The following GRIA4 variants were observed in gnomAD, a reference collection of about 807,000 sequenced individuals.
The protein encoded by GRIA4 is glutamate receptor 4.
In GRIA4, 34 loss-of-function variants were observed where a neutral mutation model predicts 104.0. The ratio of observed to expected loss-of-function variants is 0.33; its 90% CI spans 0.25 to 0.44. The LOEUF (loss-of-function observed/expected upper bound fraction) is 0.44, where lower values mean the gene tolerates loss of function less well. GRIA4 is among the 20% of genes least tolerant of loss of function. The pLI is 1.00. For synonymous variants in GRIA4, 386 were observed against 381.9 expected, an observed-to-expected ratio of 1.01 and a Z score of -0.13; for missense variants, 750 against 1,096.5, an observed-to-expected ratio of 0.68 and a Z score of 4.46.
chr11:105,709,645 A>G (rs1382356501), intron 3 of GRIA4, among the ~76,000 whole-genome samples: 1 of 152,118 alleles, frequency 6.6e-6, no homozygotes, highest in East Asian at 1.9e-4. Context: ...GTACAGCATC[A>G]CTTCTGCGGT....
At chr11:105,912,356 A>G in intron 10 of GRIA4, 1 of 974,376 alleles carries the variant, frequency 1.0e-6, no homozygotes, top group African/African-American at 1.8e-5. Flanking sequence ...TGTGCATTAT[A>G]GGTATGATAT....
intron 14 of GRIA4, among the ~76,000 whole-genome samples, chr11:105,957,608 C>T (rs1425131151): frequency 2.6e-5 from 4 of 152,078 alleles, no homozygotes; most frequent in Non-Finnish European, 5.9e-5. Context: ...ATTTTTGGTT[C>T]CATATGAACT....
chr11:105,884,204 T>C (rs749939615), intron 5 of GRIA4, among the ~76,000 whole-genome samples: 5 of 152,256 alleles, frequency 3.3e-5, no homozygotes, highest in Non-Finnish European at 5.9e-5. Flanking sequence ...CAGCCACACT[T>C]GTGTGAACAC....
intron 3 of GRIA4, among the ~76,000 whole-genome samples, chr11:105,616,857 T>C (rs1950613754): frequency 6.6e-6 from 1 of 151,700 alleles, no homozygotes; most frequent in Admixed American, 6.6e-5. Flanking sequence ...TTCAGATAAT[T>C]CTTTAGTTTT....
intron 3 of GRIA4, among the ~76,000 whole-genome samples, chr11:105,700,668 T>C (rs1313692987): frequency 2.0e-5 from 3 of 152,162 alleles, no homozygotes; most frequent in Non-Finnish European, 4.4e-5. Context: ...TCCTCTCTTT[T>C]TCAGCCTTCA....
rs1012136801 is a variant in GRIA4 at position 105,954,916 on chromosome 11, A to T, written c.2295-16998A>T. 4.1e-5 allele frequency among the ~76,000 whole-genome samples: 6 copies of T among 147,702 alleles called. No homozygotes were observed. In the Admixed American group the frequency reaches 4.1e-4, roughly 10 times the overall value. ...TAGGTATATTGCTTTCAATTTATAT[A>T]TATATATATATATAATGCCATATAA... On this transcript the variant is annotated intron_variant, in intron 14 of 16. Transcript: ENST00000282499.
In GRIA4 at chr11:105,981,504, C is replaced by T. The variant is rs183961209; in HGVS notation, c.*1765C>T. 802 of 150,768 alleles carry T rather than the reference C, an allele frequency of 5.3e-3. 15 individuals are homozygous for T. Among genetic ancestry groups the T allele is most frequent in the South Asian group, 0.012 (59 of 4,752 alleles). The allele number at this position is 150,768 out of a possible 1,614,324, so 9.3% of individuals were successfully genotyped here. A position where few individuals can be genotyped will look rare whatever the true frequency, so the allele number is the denominator to read the frequency against. On this transcript the variant is annotated 3_prime_UTR_variant, in exon 17 of 17. Transcript: ENST00000282499. ...TTCCATCAACTCTCAAGATCCCATT[C>T]GCCATTCAATCTCTGTGCTGCAGTA...
intron 10 of GRIA4, chr11:105,913,025 T>C (rs1947301656): frequency 1.1e-6 from 1 of 935,760 alleles, no homozygotes; most frequent in African/African-American, 1.8e-5. Flanking sequence ...CTTCCAGTTG[T>C]CTGTCCTTTG....
chr11:105,810,162 T>C (rs144689624), intron 4 of GRIA4, among the ~76,000 whole-genome samples: 1 of 152,172 alleles, frequency 6.6e-6, no homozygotes, highest in South Asian at 2.1e-4. Context: ...GGAGTTCTAC[T>C]TAAGGTCTCC....
chr11:105,918,852 A>G lies in GRIA4; in HGVS notation c.1410A>G (p.Gly470=). 1.9e-6 allele frequency: 3 copies of G among 1,611,266 alleles called. No homozygotes were observed. Among genetic ancestry groups the G allele is most frequent in the Non-Finnish European group, 2.5e-6 (3 of 1,177,614 alleles). The part of the protein sequence containing the change: ...IKYKIAIVPD[G]KYGARDADTK... ...ATAAAATTGCCATTGTCCCTGATGG[A>G]AAATATGGAGCAAGGGATGCAGACA... Residue 470 remains glycine, a synonymous_variant, in exon 11 of 17, where the codon GGA becomes GGG. Coordinates refer to ENST00000282499, the MANE Select transcript of GRIA4 (RefSeq NM_000829.4).
intron 3 of GRIA4, among the ~76,000 whole-genome samples, chr11:105,722,568 A>G (rs183248236): frequency 6.6e-6 from 1 of 152,224 alleles, no homozygotes; most frequent in African/African-American, 2.4e-5. Flanking sequence ...TAAAGGTTGT[A>G]CCAATTCATG....
intron 3 of GRIA4, among the ~76,000 whole-genome samples, chr11:105,723,662 A>C (rs1377333442): frequency 6.6e-6 from 1 of 152,084 alleles, no homozygotes; most frequent in African/African-American, 2.4e-5. Context: ...TTCACTGGAG[A>C]GAGAACTAAT....
chr11:105,968,977 A>G (rs1477818000), intron 14 of GRIA4, among the ~76,000 whole-genome samples: 2 of 152,208 alleles, frequency 1.3e-5, no homozygotes, highest in African/African-American at 4.8e-5. Flanking sequence ...TTACAGTTAC[A>G]AAATTATTTT....
intron 14 of GRIA4, among the ~76,000 whole-genome samples, chr11:105,955,402 A>T (rs1591483501): frequency 6.6e-6 from 1 of 152,034 alleles, no homozygotes; most frequent in African/African-American, 2.4e-5. Context: ...TGTTAGTTTG[A>T]TCAGGATGAT....
chr11:105,971,457 T>C (rs2136284012), intron 14 of GRIA4, among the ~76,000 whole-genome samples: 1 of 152,320 alleles, frequency 6.6e-6, no homozygotes, highest in South Asian at 2.1e-4. Flanking sequence ...GACATACTTT[T>C]ATAGCATAAA....
intron 3 of GRIA4, among the ~76,000 whole-genome samples, chr11:105,676,541 T>C (rs184271560): frequency 1.3e-5 from 2 of 151,852 alleles, no homozygotes; most frequent in East Asian, 3.9e-4. Context: ...AATCACTATA[T>C]CTATAAGGTA....
intron 3 of GRIA4, among the ~76,000 whole-genome samples, chr11:105,735,360 T>G (rs1938869438): frequency 6.6e-6 from 1 of 152,214 alleles, no homozygotes; most frequent in African/African-American, 2.4e-5. Context: ...ATTAAATATG[T>G]AAATACTACT....
chr11:105,677,988 G>A (rs1273762844), intron 3 of GRIA4, among the ~76,000 whole-genome samples: 1 of 151,962 alleles, frequency 6.6e-6, no homozygotes, highest in African/African-American at 2.4e-5. Context: ...CAGAAACCAT[G>A]TCCATCTTAT....
Position 105,681,764 on chromosome 11 carries a change from C to T in GRIA4, c.247+69330C>T, listed in dbSNP as rs896845370. Among the ~76,000 whole-genome samples the T allele has an allele frequency of 4.6e-5, 7 of 152,064 alleles. No homozygotes were observed. The East Asian group carries it at 7.7e-4, about 17-fold the overall frequency. ...ATAAAATATTTGATTAAAAACAGGC[C>T]GGGTGCAGTGGCTTACATGTGTAAT... On this transcript the variant is annotated intron_variant, in intron 3 of 16. Transcript: ENST00000282499.
Sources: gnomAD v4.1 joint callset for allele counts (sites outside exome capture counted in the v4.1 genomes callset) on GRCh38, gnomAD v4.1.1 for gene constraint, MANE v1.5 for transcripts, NCBI Gene and HGNC (gene_info 2026-07-23, HGNC 2026-07-21) for gene names.